Variants in DRC9 observed in about 807,000 individuals in gnomAD.
The protein encoded by DRC9 is dynein regulatory complex protein 9.
chr3:197,958,333 T>G, the DRC9 span: 4 of 152,202 alleles, frequency 2.6e-5, no homozygotes, highest in Non-Finnish European at 5.9e-5. Context: ...AGCCACCAGC[T>G]CAGATTATTT....
chr3:197,933,825 T>G, the DRC9 span, among the ~76,000 whole-genome samples: 1 of 151,846 alleles, frequency 6.6e-6, no homozygotes, highest in Non-Finnish European at 1.5e-5. Flanking sequence ...TTTCATTTTT[T>G]TTTGAGATGG....
At chr3:197,938,060 A>C in the DRC9 span, among the ~76,000 whole-genome samples, 422 of 152,272 alleles carry the variant, frequency 2.8e-3, 1 homozygote, top group Non-Finnish European at 4.7e-3. Context: ...TCACGCCTGT[A>C]ATCCCAGCAC....
At chr3:197,907,543 C>T in the DRC9 span, among the ~76,000 whole-genome samples, 2 of 152,220 alleles carry the variant, frequency 1.3e-5, no homozygotes, top group South Asian at 4.1e-4. Context: ...ACATGTTTCC[C>T]AGGTTTCTTC....
chr3:197,915,543 T>G, the DRC9 span, among the ~76,000 whole-genome samples: 758 of 152,338 alleles, frequency 5.0e-3, 8 homozygotes, highest in African/African-American at 0.018. Context: ...GGAGGGGACC[T>G]GACGGCACAG....
the DRC9 span, among the ~76,000 whole-genome samples, chr3:197,905,518 G>A: frequency 9.2e-5 from 14 of 151,860 alleles, no homozygotes; most frequent in Non-Finnish European, 1.5e-4. Context: ...AGGCTGAGGC[G>A]GGTGGATCAC....
chr3:197,910,838 G>C, the DRC9 span, among the ~76,000 whole-genome samples: 2 of 151,992 alleles, frequency 1.3e-5, no homozygotes, highest in Non-Finnish European at 2.9e-5. Flanking sequence ...AAATTAGCTG[G>C]ACGTGCGCCT....
At chr3:197,920,968 A>C in the DRC9 span, among the ~76,000 whole-genome samples, 1 of 152,228 alleles carries the variant, frequency 6.6e-6, no homozygotes, top group Admixed American at 6.5e-5. Flanking sequence ...ACAGTTCCCT[A>C]ATGTGCATAT....
At chr3:197,945,720 TG>T in the DRC9 span, 1 of 808,616 alleles carries the variant, frequency 1.2e-6, no homozygotes, top group Non-Finnish European at 2.0e-6. Context: ...GATTAGTTTA[TG>T]GGCGTCTTGA....
chr3:197,943,426 T>C, the DRC9 span, among the ~76,000 whole-genome samples: 1 of 152,134 alleles, frequency 6.6e-6, no homozygotes, highest in African/African-American at 2.4e-5. Context: ...TCCCACGTGA[T>C]ATTTAATGGC....
the DRC9 span, among the ~76,000 whole-genome samples, chr3:197,924,304 A>G: frequency 6.6e-6 from 1 of 151,986 alleles, no homozygotes; most frequent in Non-Finnish European, 1.5e-5. Flanking sequence ...GGTTTCAGTG[A>G]GCCGAAATTG....
At chr3:197,954,272 G>T in the DRC9 span, 1 of 907,198 alleles carries the variant, frequency 1.1e-6, no homozygotes, top group South Asian at 1.4e-5. Flanking sequence ...TGCAAAATTT[G>T]TGTATTGCAG....
the DRC9 span, chr3:197,958,206 A>ACG: frequency 6.6e-6 from 1 of 152,302 alleles, no homozygotes; most frequent in African/African-American, 2.4e-5. Flanking sequence ...AATCTGGTGC[A>ACG]TGCCAGGCAC....
chr3:197,944,194 T>C, the DRC9 span: 1 of 730,664 alleles, frequency 1.4e-6, no homozygotes, highest in Non-Finnish European at 2.2e-6. Context: ...AAAGGAGGAT[T>C]TGGCGTGTGA....
the DRC9 span, among the ~76,000 whole-genome samples, chr3:197,897,396 G>A: frequency 1.1e-4 from 17 of 152,104 alleles, no homozygotes; most frequent in East Asian, 1.9e-4. Context: ...ATTATGAACC[G>A]CTATATTCTT....
the DRC9 span, chr3:197,914,012 C>G: frequency 6.2e-7 from 1 of 1,614,052 alleles, no homozygotes; most frequent in Non-Finnish European, 8.5e-7. Flanking sequence ...TGCAGTTGGT[C>G]CTTGAGGTTA....
the DRC9 span, among the ~76,000 whole-genome samples, chr3:197,932,869 AAT>A: frequency 7.3e-6 from 1 of 136,608 alleles, no homozygotes; most frequent in East Asian, 2.0e-4. Context: ...ATATATGTAT[AAT>A]ATATATTATA....
the DRC9 span, chr3:197,938,862 A>C: frequency 1.0e-6 from 1 of 998,554 alleles, no homozygotes; most frequent in Non-Finnish European, 1.5e-6. Context: ...ACATTTTTCA[A>C]CATTATCTTC....
chr3:197,900,326 C>T, the DRC9 span, among the ~76,000 whole-genome samples: 2 of 152,244 alleles, frequency 1.3e-5, no homozygotes, highest in East Asian at 3.9e-4. This position sits in a 1 kb window ranked among gnomAD's most constrained non-coding sequence, Gnocchi z 4.7. Context: ...ATCCCCCAAC[C>T]TCAGGCAGTG....
At chr3:197,932,446 A>G in the DRC9 span, 1 of 492,762 alleles carries the variant, frequency 2.0e-6, no homozygotes, top group Admixed American at 3.8e-5. Flanking sequence ...CATCCTGGCC[A>G]ACATGGTAAA....
Sources: gnomAD v4.1 joint callset for allele counts (sites outside exome capture counted in the v4.1 genomes callset) on GRCh38, gnomAD v4.1.1 for gene constraint, Gnocchi (gnomAD v3.1) non-coding constraint, MANE v1.5 for transcripts, NCBI Gene and HGNC (gene_info 2026-07-23, HGNC 2026-07-21) for gene names.